MEST: variants seen among roughly 807,000 people sequenced by gnomAD.
MEST encodes the protein mesoderm-specific transcript homolog protein.
In MEST, 18 loss-of-function variants were observed where a neutral mutation model predicts 50.9. That is an observed-to-expected ratio of 0.35 (90% CI 0.24 to 0.52). The LOEUF is 0.52. Among genes scored for constraint, MEST ranks in the 20% least tolerant of loss-of-function variants. The pLI, the probability that MEST is intolerant of heterozygous loss-of-function variation, is 0.94. For synonymous variants in MEST, 130 were observed against 154.1 expected, an observed-to-expected ratio of 0.84 and a Z score of 1.16; for missense variants, 282 against 425.3, an observed-to-expected ratio of 0.66 and a Z score of 2.96.
chr7:130,489,550 C>T (rs951471116), upstream of MEST: 3 of 152,234 alleles, frequency 2.0e-5, no homozygotes, highest in Non-Finnish European at 2.9e-5. Flanking sequence ...AGCATTTTCT[C>T]TCTTAGACTT....
In MEST at chr7:130,497,095, C is replaced by T. The variant is rs1554437159; in HGVS notation, c.182-61C>T. 6.6e-6 allele frequency: 9 copies of T among 1,358,054 alleles called. No homozygotes were observed. The East Asian group carries it at 2.1e-4, about 32-fold the overall frequency. The allele number at this position is 1,358,054 out of a possible 1,614,324, so 84.1% of individuals were successfully genotyped here. On this transcript the variant is annotated intron_variant, in intron 2 of 11. Coordinates refer to ENST00000223215, the MANE Select transcript of MEST (RefSeq NM_002402.4). This position sits in a 1 kb window ranked among gnomAD's most constrained non-coding sequence, Gnocchi z 4.0. ...TTGTATCAGATTACTTAGATTTTAA[C>T]ATCTTCGAGGTTATTTTTATAGGGA...
rs1799257308 is a variant in MEST, at chr7:130,501,000, T to G, written c.749+110T>G. On this transcript the variant is annotated intron_variant, in intron 9 of 11. Coordinates refer to ENST00000223215, the MANE Select transcript of MEST (RefSeq NM_002402.4). This position sits in a 1 kb window ranked among gnomAD's most constrained non-coding sequence, Gnocchi z 5.0. ...TTCCCTATCACAGGAAGGCTGATGATGACCTATGGGGCAAACCAAAAAGTC... is the reference window on the plus strand; with the variant it reads ...TTCCCTATCACAGGAAGGCTGATGAGGACCTATGGGGCAAACCAAAAAGTC... The G allele has an allele frequency of 1.1e-6, 1 of 915,174 alleles. No individual in the cohort carries two copies. 56.7% of individuals were successfully genotyped at this position (915,174 alleles called of 1,614,324 possible).
chr7:130,501,453 T>TA (rs1799274387), intron 9 of MEST, among the ~76,000 whole-genome samples: 2 of 152,218 alleles, frequency 1.3e-5, no homozygotes, highest in African/African-American at 4.8e-5. Flanking sequence ...ATTTTAGTAT[T>TA]AAAAAACTGA....
At chr7:130,488,515 G>A (rs941420188), upstream of MEST, 1 of 152,234 alleles carries the variant, frequency 6.6e-6, no homozygotes, top group Non-Finnish European at 1.5e-5. Flanking sequence ...GTGGAAAGAA[G>A]GCCAACTTTG....
At chr7:130,502,366 C>G (rs781809720) in intron 9 of MEST, among the ~76,000 whole-genome samples, 14 of 152,140 alleles carry the variant, frequency 9.2e-5, no homozygotes, top group Non-Finnish European at 1.9e-4. Context: ...AAATCCAAAC[C>G]AACTGTCAGC....
Position 130,498,613 on chromosome 7 carries a change from C to T in MEST, c.535+136C>T. ...CTATGGGATCTCTACCTCTTCTGTGCCATCAACTCCTTTGGTGGTCTGACA... is the reference window on the plus strand; with the variant it reads ...CTATGGGATCTCTACCTCTTCTGTGTCATCAACTCCTTTGGTGGTCTGACA... On this transcript the variant is annotated intron_variant, in intron 6 of 11. Coordinates refer to ENST00000223215, the MANE Select transcript of MEST (RefSeq NM_002402.4). 7 of 776,496 alleles carry T rather than the reference C, an allele frequency of 9.0e-6. 1 individual carries two copies. The South Asian group carries it at 1.2e-4, about 13-fold the overall frequency. The allele number at this position is 776,496 out of a possible 1,614,324, so 48.1% of individuals were successfully genotyped here.
In MEST at chr7:130,500,694, G is replaced by T; in HGVS notation, c.648-95G>T. ...TCATAAATCACTTATGGGTCAGACT[G>T]CATGGCCCAGACTGCATGGCCTCTG... On this transcript the variant is annotated intron_variant, in intron 8 of 11. Coordinates refer to ENST00000223215, the MANE Select transcript of MEST (RefSeq NM_002402.4). The surrounding 1 kb of genome is among the most constrained non-coding windows in gnomAD (Gnocchi z 5.0). 8.2e-7 allele frequency: 1 copy of T among 1,216,900 alleles called. No individual in the cohort carries two copies. 75.4% of individuals were successfully genotyped at this position (1,216,900 alleles called of 1,614,324 possible). A position where few individuals can be genotyped will look rare whatever the true frequency, so the allele number is the denominator to read the frequency against.
chr7:130,500,967 C>A lies in MEST; in HGVS notation c.749+77C>A. On this transcript the variant is annotated intron_variant, in intron 9 of 11. Coordinates refer to ENST00000223215, the MANE Select transcript of MEST (RefSeq NM_002402.4). The surrounding 1 kb of genome is among the most constrained non-coding windows in gnomAD (Gnocchi z 5.0). ...TGGGGATTGCTTGTTCTGTTCCTTG[C>A]TGGCTTATTCCCTATCACAGGAAGG... The A allele has an allele frequency of 7.9e-7, 1 of 1,260,640 alleles. No homozygotes were observed. Among genetic ancestry groups the A allele is most frequent in the Non-Finnish European group, 1.1e-6 (1 of 888,800 alleles). 78.1% of individuals were successfully genotyped at this position (1,260,640 alleles called of 1,614,324 possible).
chr7:130,494,795 C>A (rs1798976709), intron 1 of MEST: 2 of 983,306 alleles, frequency 2.0e-6, no homozygotes, highest in African/African-American at 1.7e-5. Flanking sequence ...AATGGGGCTT[C>A]ATTTAGGCAG....
intron 9 of MEST, among the ~76,000 whole-genome samples, chr7:130,501,293 G>C (rs953065433): frequency 1.3e-5 from 2 of 152,276 alleles, no homozygotes; most frequent in South Asian, 2.1e-4. Context: ...GGTGATAGCT[G>C]TAACTACTTG....
Position 130,500,631 on chromosome 7 carries a change from C to G in MEST, c.647+99C>G. ...AATCCTAAGGCTTGATATTTTAAAG[C>G]AAAGGTGTTGGCCGCTTGCCAGGGA... is the stretch of plus-strand genomic sequence containing the variant. On this transcript the variant is annotated intron_variant, in intron 8 of 11. Transcript: ENST00000223215. The surrounding 1 kb of genome is among the most constrained non-coding windows in gnomAD (Gnocchi z 5.0). The G allele has an allele frequency of 3.7e-6, 5 of 1,356,218 alleles. No homozygotes were observed. Among genetic ancestry groups the G allele is most frequent in the Admixed American group, 2.1e-5 (1 of 48,672 alleles). The allele number at this position is 1,356,218 out of a possible 1,614,324, so 84.0% of individuals were successfully genotyped here. A position where few individuals can be genotyped will look rare whatever the true frequency, so the allele number is the denominator to read the frequency against.
intron 10 of MEST, among the ~76,000 whole-genome samples, chr7:130,503,091 T>C (rs1393818697): frequency 7.2e-5 from 11 of 152,218 alleles, no homozygotes; most frequent in African/African-American, 1.2e-4. Context: ...GTGGTGTGCA[T>C]TGTCAGTGAC....
chr7:130,492,129 GCGCCTCGCAAGCGCAGTGCCGCAGCGCA>G lies in MEST; in HGVS notation c.-180_-153del. ...CCCCGGCACCTCCTCTGCGGCAGCTGCGCCTCGCAAGCGCAGTGCCGCAGCGCACGCCGGAGTGGCTGTAGCTGCCCGG... is the reference window on the plus strand; with the variant it reads ...CCCCGGCACCTCCTCTGCGGCAGCTGCGCCGGAGTGGCTGTAGCTGCCCGG... On this transcript the variant is annotated 5_prime_UTR_variant, in exon 1 of 12. Transcript: ENST00000223215. The surrounding 1 kb of genome is among the most constrained non-coding windows in gnomAD (Gnocchi z 7.6). The G allele has an allele frequency of 6.3e-6, 2 of 315,352 alleles. No individual in the cohort carries two copies. The highest frequency in any genetic ancestry group is 1.1e-5 in the Non-Finnish European group (2 of 181,444). 19.5% of individuals were successfully genotyped at this position (315,352 alleles called of 1,614,324 possible). A position where few individuals can be genotyped will look rare whatever the true frequency, so the allele number is the denominator to read the frequency against.
upstream of MEST, among the ~76,000 whole-genome samples, chr7:130,490,363 G>C (rs73724324): frequency 0.013 from 1,940 of 152,252 alleles, 39 homozygotes; most frequent in African/African-American, 0.045. Flanking sequence ...CTGAGCCTCC[G>C]GTGCTTTGCG....
chr7:130,497,097 T>A lies in MEST; in HGVS notation c.182-59T>A. On this transcript the variant is annotated intron_variant, in intron 2 of 11. Transcript: ENST00000223215. This position sits in a 1 kb window ranked among gnomAD's most constrained non-coding sequence, Gnocchi z 4.0. Reference sequence around the variant, plus strand: ...GTATCAGATTACTTAGATTTTAACATCTTCGAGGTTATTTTTATAGGGATT... The same window carrying A: ...GTATCAGATTACTTAGATTTTAACAACTTCGAGGTTATTTTTATAGGGATT... 7.2e-7 allele frequency: 1 copy of A among 1,386,664 alleles called. No individual in the cohort carries two copies. The highest frequency in any genetic ancestry group is 1.0e-6 in the Non-Finnish European group (1 of 990,516). 85.9% of individuals were successfully genotyped at this position (1,386,664 alleles called of 1,614,324 possible). A position where few individuals can be genotyped will look rare whatever the true frequency, so the allele number is the denominator to read the frequency against.
chr7:130,504,013 GAA>G lies in MEST; in HGVS notation c.890+18_890+19del. 1 of 1,604,092 alleles carries G rather than the reference GAA, an allele frequency of 6.2e-7. No homozygotes were observed. The highest frequency in any genetic ancestry group is 1.1e-5 in the South Asian group (1 of 90,850). ...GCTGTACAGGTGAGTCTCCCCGAGA[GAA>G]GTCTATGTTTTGTTAGTATCTCATC... On this transcript the variant is annotated intron_variant, in intron 11 of 11. Coordinates refer to ENST00000223215, the MANE Select transcript of MEST (RefSeq NM_002402.4).
rs782614633 is a variant in MEST at position 130,504,944 on chromosome 7, C to T, written c.896C>T (p.Thr299Met). Reference sequence around the variant, plus strand: ...GTGCTGTTCTCTTCCACTAGGAAAACGCTGCCGCGGTCCACAGTGTCGATT... The same window carrying T: ...GTGCTGTTCTCTTCCACTAGGAAAATGCTGCCGCGGTCCACAGTGTCGATT... ...YPEFLELYRK[T>M]LPRSTVSILD... Residue 299 changes from threonine (T) to methionine (M), a missense_variant, in exon 12 of 12, where the codon ACG becomes ATG. By Grantham distance (81) the Thr-to-Met change is moderately conservative (BLOSUM62 -1). Coordinates refer to ENST00000223215, the MANE Select transcript of MEST (RefSeq NM_002402.4). The T allele has an allele frequency of 8.7e-5, 140 of 1,613,440 alleles. 2 individuals are homozygous for T. The highest frequency in any genetic ancestry group is 2.0e-5 in the Non-Finnish European group (24 of 1,179,542).
upstream of MEST, chr7:130,488,844 G>C (rs1480864863): frequency 6.6e-6 from 1 of 152,170 alleles, no homozygotes; most frequent in East Asian, 1.9e-4. Context: ...TAATAGAGTA[G>C]GATTAGCTTA....
In MEST at chr7:130,492,309, C is replaced by T. The variant is rs906385469; in HGVS notation, c.-5C>T. On this transcript the variant is annotated 5_prime_UTR_variant, in exon 1 of 12. Transcript: ENST00000223215. This position sits in a 1 kb window ranked among gnomAD's most constrained non-coding sequence, Gnocchi z 7.6. ...CTGCGGCGGGCGGCATGGGATAACG[C>T]GGCCATGGTGCGCCGAGATCGCCTC... 2.1e-5 allele frequency: 28 copies of T among 1,342,304 alleles called. No homozygotes were observed. The highest frequency in any genetic ancestry group is 4.6e-5 in the African/African-American group (3 of 65,756). 83.1% of individuals were successfully genotyped at this position (1,342,304 alleles called of 1,614,324 possible). A position where few individuals can be genotyped will look rare whatever the true frequency, so the allele number is the denominator to read the frequency against.
Sources: allele counts gnomAD v4.1 joint callset (sites outside exome capture counted in the v4.1 genomes callset), GRCh38; gene constraint gnomAD v4.1.1; non-coding constraint Gnocchi (gnomAD v3.1); transcripts MANE v1.5; gene names NCBI Gene and HGNC (gene_info 2026-07-23, HGNC 2026-07-21).